The following PQBP1 variants were observed in gnomAD, a reference collection of about 807,000 sequenced individuals.
PQBP1 encodes the protein polyglutamine-binding protein 1.
Under a neutral mutation model 20.9 loss-of-function variants are expected in PQBP1, and 3 were observed. That is an observed-to-expected ratio of 0.14 (90% confidence interval 0.07 to 0.37). PQBP1 has a LOEUF of 0.37. Among genes scored for constraint, PQBP1 ranks in the 10% least tolerant of loss-of-function variants. The pLI is 1.00. For synonymous variants in PQBP1, 83 were observed against 93.8 expected (o/e 0.88, Z 0.67); for missense variants, 162 against 240.3 (o/e 0.67, Z 2.16).
chrX:48,898,392 C>T (rs1457244815), intron 1 of PQBP1, 100 bp from the exon 2 acceptor site: 10 of 746,235 alleles, frequency 1.3e-5, no homozygotes, highest in African/African-American at 2.1e-5. Flanking sequence ...TTGAGTAGAT[C>T]GGAGTCAGAT....
rs2063346104 is a variant in PQBP1 at position 48,898,648 on chromosome X, G to T, written c.67+72G>T. The stretch of plus-strand genomic sequence containing the variant: ...AGGCACTTTTGTTGTTGATACTGAC[G>T]CTTGATACCTAGCATGGGCCAACTG... On this transcript the variant is annotated intron_variant, in intron 2 of 6. Coordinates refer to ENST00000447146, the MANE Select transcript of PQBP1 (RefSeq NM_001032382.2). 4 of 1,054,089 alleles carry T rather than the reference G, an allele frequency of 3.8e-6. No individual in the cohort carries two copies. The South Asian group carries it at 5.8e-5, about 15-fold the overall frequency. 86.9% of individuals were successfully genotyped at this position (1,054,089 alleles called of 1,213,427 possible).
chrX:48,902,404 G>A lies in PQBP1; in HGVS notation c.464G>A (p.Arg155Gln). ...GYDKVDRERE[R>Q]DRERDRDRGY... ...GACAAGGTAGACAGAGAGAGAGAGCGAGACAGGGAACGGGATCGGGACCGC... is the reference window on the plus strand; with the variant it reads ...GACAAGGTAGACAGAGAGAGAGAGCAAGACAGGGAACGGGATCGGGACCGC... Residue 155 changes from arginine (R) to glutamine (Q), a missense_variant, in exon 5 of 7, where the codon CGA (arginine) becomes CAA (glutamine). Coordinates refer to ENST00000447146, the MANE Select transcript of PQBP1 (RefSeq NM_001032382.2). 2 of 1,209,524 alleles carry A rather than the reference G, an allele frequency of 1.7e-6. No homozygotes were observed. The highest frequency in any genetic ancestry group is 2.2e-6 in the Non-Finnish European group (2 of 894,427).
Position 48,902,060 on chromosome X carries a change from A to G in PQBP1, c.292+18A>G, listed in dbSNP as rs782008459. The G allele has an allele frequency of 2.5e-6, 3 of 1,211,461 alleles. No homozygotes were observed. Among genetic ancestry groups the G allele is most frequent in the Non-Finnish European group, 3.4e-6 (3 of 895,456 alleles). On this transcript the variant is annotated intron_variant, in intron 4 of 6. Coordinates refer to ENST00000447146, the MANE Select transcript of PQBP1 (RefSeq NM_001032382.2). ...TAATGCAGGTGAGTTGGCAGGTACA[A>G]GCGTGCCTTGAGTGATCTTAGCAGT...
At chrX:48,899,362 G>T (rs782554538) in intron 2 of PQBP1, among the ~76,000 whole-genome samples, 1 of 111,814 alleles carries the variant, frequency 8.9e-6, no homozygotes, top group Non-Finnish European at 1.9e-5. Flanking sequence ...GGCTGAGGCG[G>T]GTAGATTGCT....
intron 2 of PQBP1, among the ~76,000 whole-genome samples, chrX:48,899,854 T>C (rs1557040617): frequency 8.9e-6 from 1 of 111,994 alleles, no homozygotes; most frequent in South Asian, 3.6e-4. Context: ...TTTGGGGCTA[T>C]AGTGTGCCAG....
intron 2 of PQBP1, 33 bp downstream of exon 2, chrX:48,898,609 G>C (rs782349026): frequency 1.4e-4 from 169 of 1,181,595 alleles, no homozygotes; most frequent in Non-Finnish European, 1.9e-4. Context: ...GTCCTAACAC[G>C]TGCCAGCCTC....
At chrX:48,900,385 C>A (rs1557040758) in intron 2 of PQBP1, among the ~76,000 whole-genome samples, 1 of 96,338 alleles carries the variant, frequency 1.0e-5, no homozygotes, top group African/African-American at 3.8e-5. Flanking sequence ...CCTCTGCCTC[C>A]CGGGTTCAAG....
rs782446273 is a variant in PQBP1 at position 48,902,534 on chromosome X, G to A, written c.577+17G>A. On this transcript the variant is annotated intron_variant, in intron 5 of 6. Coordinates refer to ENST00000447146, the MANE Select transcript of PQBP1 (RefSeq NM_001032382.2). ...GCAAGAAGGGTAAGCTGGGCAGAAT[G>A]GGGCTCGGTGAGACCAACAAGGTGC... 2.5e-6 allele frequency: 3 copies of A among 1,196,284 alleles called. No homozygotes were observed. The highest frequency in any genetic ancestry group is 3.5e-5 in the African/African-American group (2 of 56,851).
intron 2 of PQBP1, among the ~76,000 whole-genome samples, chrX:48,898,965 C>A (rs2063356204): frequency 1.0e-5 from 1 of 98,880 alleles, no homozygotes; most frequent in Non-Finnish European, 2.0e-5. Flanking sequence ...CCCGCCCCAC[C>A]ACACCTGGCA....
chrX:48,898,078 T>A lies in PQBP1; in HGVS notation c.-23T>A. Reference sequence around the variant, plus strand: ...CAGCCTTCCACTACCTGCACGAGTGTATTGGTAACGTTGGGGTGGGTGCAC... The same window carrying A: ...CAGCCTTCCACTACCTGCACGAGTGAATTGGTAACGTTGGGGTGGGTGCAC... On this transcript the variant is annotated 5_prime_UTR_variant, in exon 1 of 7. Coordinates refer to ENST00000447146, the MANE Select transcript of PQBP1 (RefSeq NM_001032382.2). 9.8e-7 allele frequency: 1 copy of A among 1,024,316 alleles called. No homozygotes were observed. Among genetic ancestry groups the A allele is most frequent in the Non-Finnish European group, 1.2e-6 (1 of 802,626 alleles). The allele number at this position is 1,024,316 out of a possible 1,213,427, so 84.4% of individuals were successfully genotyped here.
rs1247504340 is a variant in PQBP1, at chrX:48,901,997, T to C, written c.247T>C (p.Ser83Pro). 8.3e-7 allele frequency: 1 copy of C among 1,209,742 alleles called. No homozygotes were observed. The highest frequency in any genetic ancestry group is 1.8e-5 in the African/African-American group (1 of 57,029). ...CTGGCTCTCCCCACATGACCCCAAC[T>C]CCGTGGTTACCAAATCGGCCAAGAA... ...VSWLSPHDPN[S>P]VVTKSAKKLR... is the part of the protein sequence containing the mutation. Residue 83 changes from serine to proline, a missense_variant, in exon 4 of 7, where the codon TCC becomes CCC. Ser to Pro is a moderately conservative substitution (Grantham distance 74). Transcript: ENST00000447146.
In PQBP1 at chrX:48,902,432, G is replaced by A. The variant is rs375706327; in HGVS notation, c.492G>A (p.Gly164=). 8.3e-7 allele frequency: 1 copy of A among 1,206,901 alleles called. No homozygotes were observed. Residue 164 remains glycine, a synonymous_variant, in exon 5 of 7, where the codon GGG becomes GGA. Transcript: ENST00000447146. The stretch of plus-strand genomic sequence containing the variant: ...ACAGGGAACGGGATCGGGACCGCGG[G>A]TATGACAAGGCAGACCGGGAAGAGG... The part of the protein sequence containing the change: ...ERDRERDRDR[G]YDKADREEGK...
chrX:48,901,191 A>C lies in PQBP1; in HGVS notation c.69A>C (p.Glu23Asp). 1 of 1,207,766 alleles carries C rather than the reference A, an allele frequency of 8.3e-7. No homozygotes were observed. Among genetic ancestry groups the C allele is most frequent in the Non-Finnish European group, 1.1e-6 (1 of 893,710 alleles). ...CTCATCCCCACCTTGTTCTACCAGA[A>C]CCAGAGGAAGAGATCATTGCCGAGG... ...KRGILKHLEP[E>D]PEEEIIAEDY... is the part of the protein sequence containing the mutation. The change falls in exon 3 of 7, where the codon GAA (glutamate) becomes GAC (aspartate). Residue 23 changes from glutamate (E) to aspartate (D), a missense_variant and splice_region_variant. By Grantham distance (45) the Glu-to-Asp change is conservative (BLOSUM62 2). Transcript: ENST00000447146.
chrX:48,899,841 C>T (rs1209745607), intron 2 of PQBP1, among the ~76,000 whole-genome samples: 1 of 111,951 alleles, frequency 8.9e-6, no homozygotes, highest in African/African-American at 3.2e-5. Context: ...AAACTGGCAT[C>T]TATTTGGGGC....
At chrX:48,901,533 C>T (rs1557041113) in intron 3 of PQBP1, 8 of 743,394 alleles carry the variant, frequency 1.1e-5, no homozygotes, top group Non-Finnish European at 1.6e-5. Flanking sequence ...GGCTGGAGTG[C>T]AATGGTGTGA....
chrX:48,900,720 C>T (rs1410332373), intron 2 of PQBP1, among the ~76,000 whole-genome samples: 1 of 109,327 alleles, frequency 9.1e-6, no homozygotes, highest in Non-Finnish European at 1.9e-5. Flanking sequence ...CTGTGCCCAG[C>T]TAATTTTTTT....
At position 48,902,994 on chromosome X, in the gene PQBP1, T is replaced by C. The variant is rs782479139; in HGVS notation, c.708T>C (p.Ala236=). The C allele has an allele frequency of 8.3e-7, 1 of 1,203,098 alleles. No homozygotes were observed. The highest frequency in any genetic ancestry group is 1.1e-6 in the Non-Finnish European group (1 of 891,400). Residue 236 remains alanine, a synonymous_variant, in exon 7 of 7, where the codon GCT becomes GCC. Transcript: ENST00000447146. The stretch of plus-strand genomic sequence containing the variant: ...AGACTGGCGCTGACACCACAGCAGC[T>C]GGGCCCCTCTTCCAGCAGCGGCCGT... The part of the protein sequence containing the change: ...EAKTGADTTA[A]GPLFQQRPYP...
At chrX:48,898,746 G>A (rs782155117) in intron 2 of PQBP1, among the ~76,000 whole-genome samples, 170 bp downstream of exon 2, 1 of 97,795 alleles carries the variant, frequency 1.0e-5, no homozygotes, top group Admixed American at 1.2e-4. Context: ...TCCCTACCGC[G>A]TGTCAAGTGG....
chrX:48,898,204 G>C, intron 1 of PQBP1, 122 bp downstream of exon 1: 1 of 994,841 alleles, frequency 1.0e-6, no homozygotes, highest in Non-Finnish European at 1.3e-6. Context: ...GCCCATTTCT[G>C]AAGTGCGGAG....
Sources: gnomAD v4.1 joint callset for allele counts (sites outside exome capture counted in the v4.1 genomes callset) on GRCh38, gnomAD v4.1.1 for gene constraint, MANE v1.5 for transcripts, NCBI Gene and HGNC (gene_info 2026-07-23, HGNC 2026-07-21) for gene names.